The following ALAD variants were observed in gnomAD, a reference collection of about 807,000 sequenced individuals.
The protein encoded by ALAD is delta-aminolevulinic acid dehydratase.
Under a neutral mutation model 44.4 loss-of-function variants are expected in ALAD, and 20 were observed. The ratio of observed to expected loss-of-function variants is 0.45; its 90% confidence interval spans 0.32 to 0.65. The LOEUF (loss-of-function observed/expected upper bound fraction) is 0.65, where lower values mean the gene tolerates loss of function less well. ALAD is among the 30% of genes least tolerant of loss of function. The pLI is 0.05. For missense variants in ALAD, 323 were observed against 445.7 expected, an observed-to-expected ratio of 0.72 and a Z score of 2.48; for synonymous variants, 156 against 167.9, an observed-to-expected ratio of 0.93 and a Z score of 0.55.
chr9:113,389,193 C>G (rs1266747056), intron 10 of ALAD, 87 bp from the exon 11 acceptor site: 1 of 1,562,834 alleles, frequency 6.4e-7, no homozygotes, highest in Non-Finnish European at 8.7e-7. Flanking sequence ...CAATCTGTGA[C>G]CATCTTGAGC....
intron 2 of ALAD, 36 bp downstream of exon 2, chr9:113,393,411 G>C (rs1554740965): frequency 3.0e-5 from 36 of 1,216,774 alleles, no homozygotes; most frequent in Non-Finnish European, 4.2e-5. Flanking sequence ...ACCCCAACCA[G>C]CAGAGCAGAG....
intron 1 of ALAD, chr9:113,397,143 C>G (rs818684): frequency 6.6e-6 from 1 of 152,026 alleles, no homozygotes; most frequent in East Asian, 1.9e-4. Flanking sequence ...AGTCAGATGT[C>G]GAAGCCAGGT....
At chr9:113,400,809 C>T (rs1287734890) in intron 1 of ALAD, among the ~76,000 whole-genome samples, 1 of 152,008 alleles carries the variant, frequency 6.6e-6, no homozygotes. Flanking sequence ...GCAACAAGAG[C>T]GAAACTCCGT....
chr9:113,398,091 C>T (rs1004488476), intron 1 of ALAD: 8 of 152,184 alleles, frequency 5.3e-5, no homozygotes, highest in Non-Finnish European at 1.0e-4. Flanking sequence ...ATTCAGTAGG[C>T]GTCTCTCTGC....
Position 113,388,350 on chromosome 9 carries a change from T to C in ALAD, c.943A>G (p.Ile315Val), listed in dbSNP as rs1224739050. 5 of 1,613,890 alleles carry C rather than the reference T, an allele frequency of 3.1e-6. No homozygotes were observed. In the African/African-American group the frequency reaches 5.3e-5, roughly 17 times the overall value. The change falls in exon 12 of 12, where the codon ATC becomes GTC. Residue 315 changes from isoleucine (I) to valine (V), a missense_variant. Physicochemically the swap from Ile to Val is conservative, Grantham distance 29. Transcript: ENST00000409155. ...AGCTGCGGTGTGTAGTAGGTGATGATGATGTCAGCACCTGTGTTGGGAGAG... is the reference window on the plus strand; with the variant it reads ...AGCTGCGGTGTGTAGTAGGTGATGACGATGTCAGCACCTGTGTTGGGAGAG... ...TAFRRAGADI[I>V]ITYYTPQLLQ...
chr9:113,388,046 G>A lies in ALAD; in HGVS notation c.*254C>T, dbSNP rs193111083. ...AGCCACACCAGAGGAAAGAGCTGAG[G>A]GTGGCAAAGGTGGGCCTCACGGCTG... On this transcript the variant is annotated 3_prime_UTR_variant, in exon 12 of 12. Coordinates refer to ENST00000409155, the MANE Select transcript of ALAD (RefSeq NM_000031.6). 35 of 537,122 alleles carry A rather than the reference G, an allele frequency of 6.5e-5. No homozygotes were observed. The highest frequency in any genetic ancestry group is 5.3e-4 in the Admixed American group (18 of 34,214). The allele number at this position is 537,122 out of a possible 1,614,324, so 33.3% of individuals were successfully genotyped here. A position where few individuals can be genotyped will look rare whatever the true frequency, so the allele number is the denominator to read the frequency against.
chr9:113,389,546 T>G, intron 9 of ALAD, 22 bp from the exon 10 acceptor site: 5 of 1,614,156 alleles, frequency 3.1e-6, no homozygotes, highest in Non-Finnish European at 4.2e-6. Context: ...GGGTATAATG[T>G]GGGTGGTGCC....
intron 1 of ALAD, chr9:113,397,520 C>T (rs544044507): frequency 6.6e-6 from 1 of 152,252 alleles, no homozygotes; most frequent in East Asian, 1.9e-4. Context: ...AGTCATGTCT[C>T]AACCTCCAAA....
At chr9:113,393,409 C>T (rs1250203475) in intron 2 of ALAD, 38 bp downstream of exon 2, 2 of 1,574,040 alleles carry the variant, frequency 1.3e-6, no homozygotes, top group African/African-American at 1.3e-5. Context: ...CAACCCCAAC[C>T]AGCAGAGCAG....
At position 113,389,224 on chromosome 9, in the gene ALAD, G is replaced by A. The variant is rs569995634; in HGVS notation, c.802-118C>T. 39 of 1,492,932 alleles carry A rather than the reference G, an allele frequency of 2.6e-5. No individual in the cohort carries two copies. The African/African-American group carries it at 3.6e-4, about 14-fold the overall frequency. The allele number at this position is 1,492,932 out of a possible 1,614,324, so 92.5% of individuals were successfully genotyped here. On this transcript the variant is annotated intron_variant, in intron 10 of 11. Transcript: ENST00000409155. ...TGAGCCCCGTGTCCTGGGTTACTGC[G>A]GCTGGCAGCCTGGCCCACTCTTGAA...
rs1564367010 is a variant in ALAD at position 113,388,161 on chromosome 9, C to T, written c.*139G>A. On this transcript the variant is annotated 3_prime_UTR_variant, in exon 12 of 12. Transcript: ENST00000409155. ...AGCATGCTGGCAAAACCACCCAGGG[C>T]TGCTGGGCCCCGCTAGCATGTGAGC... 4 of 903,384 alleles carry T rather than the reference C, an allele frequency of 4.4e-6. No homozygotes were observed. The highest frequency in any genetic ancestry group is 2.5e-5 in the East Asian group (1 of 39,334). 56.0% of individuals were successfully genotyped at this position (903,384 alleles called of 1,614,324 possible). A position where few individuals can be genotyped will look rare whatever the true frequency, so the allele number is the denominator to read the frequency against.
At position 113,390,807 on chromosome 9, in the gene ALAD, C is replaced by G. The variant is rs1215284733; in HGVS notation, c.388G>C (p.Gly130Arg). The change falls in exon 5 of 12, where the codon GGT (glycine) becomes CGT (arginine). Residue 130 changes from glycine to arginine, a missense_variant. Transcript: ENST00000409155. ...DVCLCPYTSHGHCGLLSENGA... is the reference protein window; with the variant it reads ...DVCLCPYTSHRHCGLLSENGA... ...GAGGGAGGGAACTCACCGCAGTGAC[C>G]ATGGGAGGTGTAGGGACACAGGCAG... is the stretch of plus-strand genomic sequence containing the variant. 6.2e-7 allele frequency: 1 copy of G among 1,610,914 alleles called. No individual in the cohort carries two copies. Among genetic ancestry groups the G allele is most frequent in the Non-Finnish European group, 8.5e-7 (1 of 1,178,772 alleles).
intron 1 of ALAD, among the ~76,000 whole-genome samples, chr9:113,398,719 T>C (rs142380074): frequency 6.6e-6 from 1 of 152,302 alleles, no homozygotes; most frequent in Admixed American, 6.5e-5. Flanking sequence ...GTGAGTGACA[T>C]ACAGAGCTAT....
In ALAD at chr9:113,391,694, CTGTG is replaced by C. The variant is rs1827591254; in HGVS notation, c.165-75_165-72del. ...CAACGGTCCTCCGGACCCCACCACA[CTGTG>C]TGCCTCTGTTAGAAACCAAGCTGCA... On this transcript the variant is annotated intron_variant, in intron 3 of 11. Transcript: ENST00000409155. 3 of 1,253,202 alleles carry C rather than the reference CTGTG, an allele frequency of 2.4e-6. No individual in the cohort carries two copies. The Admixed American group carries it at 5.4e-5, about 23-fold the overall frequency. The allele number at this position is 1,253,202 out of a possible 1,614,324, so 77.6% of individuals were successfully genotyped here. A position where few individuals can be genotyped will look rare whatever the true frequency, so the allele number is the denominator to read the frequency against.
chr9:113,396,388 CA>C (rs11299029), intron 1 of ALAD: 23,263 of 91,880 alleles, frequency 0.25, 1,787 homozygotes, highest in African/African-American at 0.31. Context: ...GACTCCATCT[CA>C]AAAAAAAAAA....
intron 2 of ALAD, chr9:113,392,393 A>C: frequency 7.6e-7 from 1 of 1,308,888 alleles, no homozygotes; most frequent in Non-Finnish European, 1.0e-6. Flanking sequence ...ACTGTACTAA[A>C]AGAACGGTAA....
At position 113,400,353 on chromosome 9, in the gene ALAD, G is replaced by A. The variant is rs558736676; in HGVS notation, c.-76+859C>T. ...AGGTTGGGCTTGTGGAGAGCTTTGG[G>A]TGAGCCAGACTCTGGGCCTGGCTGC... On this transcript the variant is annotated intron_variant, in intron 1 of 11. Transcript: ENST00000409155. Among the ~76,000 whole-genome samples the A allele has an allele frequency of 2.0e-5, 3 of 152,286 alleles. No homozygotes were observed. In the South Asian group the frequency reaches 6.2e-4, roughly 32 times the overall value.
rs2118998700 is a variant in ALAD at position 113,393,432 on chromosome 9, T to C, written c.113+15A>G. The C allele has an allele frequency of 1.4e-6, 2 of 1,382,716 alleles. No individual in the cohort carries two copies. Among genetic ancestry groups the C allele is most frequent in the African/African-American group, 1.4e-5 (1 of 73,048 alleles). 85.7% of individuals were successfully genotyped at this position (1,382,716 alleles called of 1,614,324 possible). A position where few individuals can be genotyped will look rare whatever the true frequency, so the allele number is the denominator to read the frequency against. On this transcript the variant is annotated intron_variant, in intron 2 of 11. Transcript: ENST00000409155. ...ACCAGCAGAGCAGAGGCCTGGCCCA[T>C]TCTTGGAGACTCACGTGACAAAGAT...
chr9:113,392,805 A>G (rs182652924), intron 2 of ALAD, among the ~76,000 whole-genome samples: 1 of 141,154 alleles, frequency 7.1e-6, no homozygotes, highest in Admixed American at 7.3e-5. Context: ...AACAATCACG[A>G]TTGCCATCTC....
Sources: allele counts gnomAD v4.1 joint callset (sites outside exome capture counted in the v4.1 genomes callset), GRCh38; gene constraint gnomAD v4.1.1; transcripts MANE v1.5; gene names NCBI Gene and HGNC (gene_info 2026-07-23, HGNC 2026-07-21).